The following FAM200B variants were observed in gnomAD, a reference collection of about 807,000 sequenced individuals.
FAM200B encodes the protein protein FAM200B.
Under a neutral mutation model 33.1 loss-of-function variants are expected in FAM200B, and 32 were observed. The ratio of observed to expected loss-of-function variants is 0.97; its 90% CI spans 0.73 to 1.30. The LOEUF is 1.30. FAM200B is among the 50% of genes most tolerant of loss of function. The pLI is 0.00. For synonymous variants in FAM200B, 240 were observed against 264.8 expected, an observed-to-expected ratio of 0.91 and a Z score of 0.91; for missense variants, 741 against 754.0, an observed-to-expected ratio of 0.98 and a Z score of 0.20.
the FAM200B span, among the ~76,000 whole-genome samples, chr4:15,675,858 C>T: frequency 6.6e-6 from 1 of 152,182 alleles, no homozygotes; most frequent in Admixed American, 6.5e-5. Context: ...GCTGGGATTA[C>T]AGGCATGAGC....
chr4:15,655,234 C>T, the FAM200B span: 1 of 1,440,766 alleles, frequency 6.9e-7, no homozygotes, highest in East Asian at 3.0e-5. Flanking sequence ...CCAGCTGCTT[C>T]ATCCGCCAGT....
the FAM200B span, among the ~76,000 whole-genome samples, chr4:15,652,286 A>G: frequency 3.9e-5 from 6 of 152,362 alleles, no homozygotes; most frequent in Admixed American, 6.5e-5. Flanking sequence ...AGAAACTACT[A>G]TGATTTAATA....
At chr4:15,686,091 G>A (rs1461753623) in intron 1 of FAM200B, 145 bp from the exon 2 acceptor site, 3 of 152,126 alleles carry the variant, frequency 2.0e-5, no homozygotes, top group Admixed American at 2.0e-4. Flanking sequence ...ATAGGCCTAA[G>A]CCAATATAAG....
At chr4:15,643,348 T>C in the FAM200B span, among the ~76,000 whole-genome samples, 3 of 152,168 alleles carry the variant, frequency 2.0e-5, no homozygotes, top group East Asian at 5.8e-4. Context: ...CTTAACAGAG[T>C]TGTAACTTAA....
chr4:15,665,090 C>A, the FAM200B span, among the ~76,000 whole-genome samples: 1 of 152,154 alleles, frequency 6.6e-6, no homozygotes, highest in South Asian at 2.1e-4. Context: ...ACATTGCTAC[C>A]CCAGATGAAA....
chr4:15,677,944 G>A (rs1718057214), upstream of FAM200B, among the ~76,000 whole-genome samples: 1 of 146,086 alleles, frequency 6.8e-6, no homozygotes, highest in Non-Finnish European at 1.5e-5. Context: ...TAACCTGTGT[G>A]GCAACTGTGC....
the FAM200B span, among the ~76,000 whole-genome samples, chr4:15,667,437 G>A: frequency 2.0e-5 from 3 of 152,024 alleles, no homozygotes; most frequent in Non-Finnish European, 1.5e-5. Context: ...ATCCAAATGA[G>A]ACTAAGCAAA....
chr4:15,680,700 T>C (rs1056056395), upstream of FAM200B, among the ~76,000 whole-genome samples: 1 of 151,714 alleles, frequency 6.6e-6, no homozygotes, highest in Non-Finnish European at 1.5e-5. Flanking sequence ...AAAATCCAGT[T>C]GGAGAATCAA....
chr4:15,677,692 TC>T (rs1354594241), upstream of FAM200B, among the ~76,000 whole-genome samples: 1 of 152,218 alleles, frequency 6.6e-6, no homozygotes, highest in East Asian at 1.9e-4. Flanking sequence ...CTCCATACCT[TC>T]CCCTATGTGT....
chr4:15,640,432 A>T, the FAM200B span, among the ~76,000 whole-genome samples: 1 of 151,530 alleles, frequency 6.6e-6, no homozygotes, highest in African/African-American at 2.4e-5. Context: ...CTTTAAACAT[A>T]GCATGAAAAC....
the FAM200B span, among the ~76,000 whole-genome samples, chr4:15,667,246 T>C: frequency 1.3e-5 from 2 of 152,206 alleles, no homozygotes; most frequent in Non-Finnish European, 2.9e-5. Flanking sequence ...TTAACCTTGA[T>C]GGCAGTCCAT....
chr4:15,674,363 T>C, the FAM200B span, among the ~76,000 whole-genome samples: 1 of 152,188 alleles, frequency 6.6e-6, no homozygotes, highest in Non-Finnish European at 1.5e-5. Context: ...GTTAACACTG[T>C]ACTGGGTATG....
At chr4:15,668,701 A>C in the FAM200B span, among the ~76,000 whole-genome samples, 1 of 152,142 alleles carries the variant, frequency 6.6e-6, no homozygotes, top group African/African-American at 2.4e-5. Context: ...TAAGATGCTG[A>C]ACTCACTGAC....
At chr4:15,653,876 TC>T in the FAM200B span, among the ~76,000 whole-genome samples, 3 of 152,162 alleles carry the variant, frequency 2.0e-5, no homozygotes, top group African/African-American at 7.2e-5. Flanking sequence ...CTGGGTGAAA[TC>T]CTAATTTTAG....
At chr4:15,655,210 G>A in the FAM200B span, 1 of 1,421,346 alleles carries the variant, frequency 7.0e-7, no homozygotes, top group Non-Finnish European at 9.4e-7. Context: ...TTACCTTGTC[G>A]CAGTAGAGCC....
At chr4:15,653,195 ATATC>A in the FAM200B span, among the ~76,000 whole-genome samples, 9 of 152,192 alleles carry the variant, frequency 5.9e-5, no homozygotes, top group African/African-American at 9.6e-5. Context: ...CTCATTAACT[ATATC>A]TAATTAATTC....
At chr4:15,653,080 G>A in the FAM200B span, among the ~76,000 whole-genome samples, 1 of 152,044 alleles carries the variant, frequency 6.6e-6, no homozygotes, top group Non-Finnish European at 1.5e-5. Context: ...GTATCAAGAA[G>A]AAATCCAGAT....
At chr4:15,670,765 G>A in the FAM200B span, among the ~76,000 whole-genome samples, 11 of 151,856 alleles carry the variant, frequency 7.2e-5, no homozygotes, top group Non-Finnish European at 1.2e-4. Flanking sequence ...TGCAGACCAT[G>A]GGTTTCTGGT....
the FAM200B span, chr4:15,655,424 G>A: frequency 2.0e-6 from 2 of 993,192 alleles, no homozygotes; most frequent in Non-Finnish European, 2.4e-6. Flanking sequence ...GGCTTGGCCG[G>A]CGGGGACGCG....
Sources: allele counts gnomAD v4.1 joint callset (sites outside exome capture counted in the v4.1 genomes callset), GRCh38; gene constraint gnomAD v4.1.1; transcripts MANE v1.5; gene names NCBI Gene and HGNC (gene_info 2026-07-23, HGNC 2026-07-21).